The following INIP variants were observed in gnomAD, a reference collection of about 807,000 sequenced individuals.
INIP encodes the protein INTS3 and NABP interacting protein, also known as SOSS complex subunit C.
A neutral mutation model predicts 14.0 loss-of-function variants in INIP; 9 were observed. That is an observed-to-expected ratio of 0.64 (90% confidence interval 0.39 to 1.12). INIP has a LOEUF of 1.12. INIP is among the 50% of genes most tolerant of loss of function. The probability of loss-of-function intolerance (pLI) is 0.01; values close to 1 mark genes in which losing one functional copy is unlikely to be tolerated. For synonymous variants in INIP, 37 were observed against 41.5 expected (o/e 0.89, Z 0.41); for missense variants, 78 against 122.7 (o/e 0.64, Z 1.72).
intron 4 of INIP, among the ~76,000 whole-genome samples, chr9:112,688,085 C>CAAATAAAT (rs3033103): frequency 0.072 from 10,456 of 145,606 alleles, 497 homozygotes; most frequent in African/African-American, 0.12. Flanking sequence ...GACTCCATCT[C>CAAATAAAT]AAATAAATAA....
intron 2 of INIP, among the ~76,000 whole-genome samples, chr9:112,695,255 G>GAA (rs60657759): frequency 2.8e-4 from 18 of 64,680 alleles, no homozygotes; most frequent in Admixed American, 4.9e-4. Flanking sequence ...CAGAACTACA[G>GAA]AAAAAAAAAA....
intron 4 of INIP, among the ~76,000 whole-genome samples, chr9:112,687,921 T>TA: frequency 6.6e-6 from 1 of 151,908 alleles, no homozygotes; most frequent in East Asian, 1.9e-4. Flanking sequence ...CCGTCTCTAC[T>TA]AAAAATACAA....
chr9:112,691,774 C>T (rs1260234957), intron 3 of INIP, among the ~76,000 whole-genome samples: 127 of 152,326 alleles, frequency 8.3e-4, no homozygotes, highest in Non-Finnish European at 9.8e-4. Flanking sequence ...CTTTGGGAGG[C>T]CAAGGTGGGT....
chr9:112,713,063 A>G (rs889875440), intron 2 of INIP, among the ~76,000 whole-genome samples: 6 of 152,234 alleles, frequency 3.9e-5, no homozygotes, highest in Non-Finnish European at 7.3e-5. Context: ...CATATCTGAC[A>G]AAGGACTTGT....
chr9:112,699,695 T>A (rs1250329030), intron 2 of INIP, among the ~76,000 whole-genome samples: 1 of 152,058 alleles, frequency 6.6e-6, no homozygotes, highest in African/African-American at 2.4e-5. Context: ...TAAGGGAGGA[T>A]TACTGTACAG....
chr9:112,717,623 T>C (rs1428235489), intron 1 of INIP, among the ~76,000 whole-genome samples: 2 of 152,142 alleles, frequency 1.3e-5, no homozygotes, highest in Non-Finnish European at 2.9e-5. Context: ...AGTGATGCCT[T>C]AGTCTAGGGA....
At chr9:112,702,246 G>T (rs191203533) in intron 2 of INIP, among the ~76,000 whole-genome samples, 1 of 152,090 alleles carries the variant, frequency 6.6e-6, no homozygotes. Context: ...AAATATTTTG[G>T]GGTCACTGTC....
chr9:112,693,506 T>C (rs932595556), intron 3 of INIP, among the ~76,000 whole-genome samples: 1 of 152,244 alleles, frequency 6.6e-6, no homozygotes, highest in African/African-American at 2.4e-5. Context: ...TTGTTGAAGA[T>C]GCTATATAAG....
In INIP at chr9:112,717,412, G is replaced by C. The variant is rs371980602; in HGVS notation, c.-57+575C>G. Among the ~76,000 whole-genome samples the C allele has an allele frequency of 2.3e-4, 35 of 152,208 alleles. 1 individual carries two copies. The East Asian group carries it at 5.6e-3, about 24-fold the overall frequency. On this transcript the variant is annotated intron_variant, in intron 1 of 4. Coordinates refer to ENST00000374242, the MANE Select transcript of INIP (RefSeq NM_021218.3). ...CTAGTAGGAATTATTTGGGCTGCTG[G>C]TTTCCAAACTTCGTGCTTTCGTACT... is the stretch of plus-strand genomic sequence containing the variant.
chr9:112,689,559 G>A lies in INIP; in HGVS notation c.187C>T (p.His63Tyr). 6.2e-7 allele frequency: 1 copy of A among 1,614,124 alleles called. No homozygotes were observed. The stretch of plus-strand genomic sequence containing the variant: ...GCTGCCTTCTGTTGGGCTGCAATAT[G>A]CTGCTGCTCAGCGTGATCCCGGAAG... The part of the protein sequence containing the change: ...KDFRDHAEQQ[H>Y]IAAQQKAALQ... The change falls in exon 4 of 5, where the codon CAT (histidine) becomes TAT (tyrosine). Residue 63 changes from histidine to tyrosine, a missense_variant. His to Tyr is a moderately conservative substitution (Grantham distance 83). Transcript: ENST00000374242.
chr9:112,693,189 A>G (rs1222569395), intron 3 of INIP, among the ~76,000 whole-genome samples: 1 of 152,216 alleles, frequency 6.6e-6, no homozygotes, highest in African/African-American at 2.4e-5. Flanking sequence ...CTTCTTTGAT[A>G]TAAAAATTAT....
At chr9:112,705,141 A>G (rs1394425941) in intron 2 of INIP, among the ~76,000 whole-genome samples, 1 of 150,768 alleles carries the variant, frequency 6.6e-6, no homozygotes. Context: ...AAAAGTATAG[A>G]ATGAATAAAT....
rs375676584 is a variant in INIP at position 112,695,800 on chromosome 9, A to G, written c.26-1567T>C. On this transcript the variant is annotated intron_variant, in intron 2 of 4. Transcript: ENST00000374242. ...GAGGAGGGGGAGGGGGAGGGGGAGGAGGAGGAGGAGAAGAAGAAGGAGAAG... is the reference window on the plus strand; with the variant it reads ...GAGGAGGGGGAGGGGGAGGGGGAGGGGGAGGAGGAGAAGAAGAAGGAGAAG... Among the ~76,000 whole-genome samples, 523 of 130,064 alleles carry G rather than the reference A, an allele frequency of 4.0e-3. 9 individuals are homozygous for G. The highest frequency in any genetic ancestry group is 0.015 in the African/African-American group (501 of 34,140). 85.3% of individuals were successfully genotyped at this position (130,064 alleles called of 152,430 possible). A position where few individuals can be genotyped will look rare whatever the true frequency, so the allele number is the denominator to read the frequency against.
At chr9:112,693,680 A>G (rs1837974034) in intron 3 of INIP, among the ~76,000 whole-genome samples, 1 of 152,230 alleles carries the variant, frequency 6.6e-6, no homozygotes, top group South Asian at 2.1e-4. Context: ...TCCCCTATAC[A>G]AAGAAAACAC....
In INIP at chr9:112,685,030, C is replaced by T. The variant is rs554066175; in HGVS notation, c.*2508G>A. The T allele has an allele frequency of 6.6e-6, 1 of 152,318 alleles. No individual in the cohort carries two copies. The highest frequency in any genetic ancestry group is 2.1e-4 in the South Asian group (1 of 4,824). The allele number at this position is 152,318 out of a possible 1,614,324, so 9.4% of individuals were successfully genotyped here. A position where few individuals can be genotyped will look rare whatever the true frequency, so the allele number is the denominator to read the frequency against. ...AAAAATCACATGAATACTTCTAAGC[C>T]TAGCCAGACCGCACTGCGTTCCAGG... On this transcript the variant is annotated 3_prime_UTR_variant, in exon 5 of 5. Coordinates refer to ENST00000374242, the MANE Select transcript of INIP (RefSeq NM_021218.3).
chr9:112,706,756 A>T (rs1838483353), intron 2 of INIP, among the ~76,000 whole-genome samples: 1 of 152,130 alleles, frequency 6.6e-6, no homozygotes, highest in African/African-American at 2.4e-5. Flanking sequence ...ATGTACGGTA[A>T]GAACTATTAC....
intron 2 of INIP, 22 bp from the exon 3 acceptor site, chr9:112,694,255 G>A (rs989247528): frequency 1.5e-6 from 2 of 1,333,974 alleles, no homozygotes; most frequent in Non-Finnish European, 1.1e-6. Flanking sequence ...AGGGGAATAG[G>A]AGAAAAGGGA....
intron 2 of INIP, among the ~76,000 whole-genome samples, chr9:112,699,177 G>T (rs1341194824): frequency 1.3e-5 from 2 of 151,580 alleles, no homozygotes; most frequent in South Asian, 2.1e-4. Flanking sequence ...TTTTTTTCCA[G>T]TTAGGTGTGG....
rs1459337900 is a variant in INIP at position 112,701,925 on chromosome 9, T to A, written c.26-7692A>T. The A allele has an allele frequency of 5.9e-5, 9 of 151,992 alleles. No individual in the cohort carries two copies. In the East Asian group the frequency reaches 1.2e-3, roughly 19 times the overall value. The allele number at this position is 151,992 out of a possible 1,614,324, so 9.4% of individuals were successfully genotyped here. ...ATTTTTTTAATTTAGCAGGGCATGA[T>A]GGTGTGTGCCTACAGTCCCAACTAC... On this transcript the variant is annotated intron_variant, in intron 2 of 4. Transcript: ENST00000374242.
Sources: gnomAD v4.1 joint callset for allele counts (sites outside exome capture counted in the v4.1 genomes callset) on GRCh38, gnomAD v4.1.1 for gene constraint, MANE v1.5 for transcripts, NCBI Gene and HGNC (gene_info 2026-07-23, HGNC 2026-07-21) for gene names.